The following PRDM16 variants were observed in gnomAD, a reference collection of about 807,000 sequenced individuals.
The protein encoded by PRDM16 is PR/SET domain 16, also known as histone-lysine N-methyltransferase PRDM16.
PRDM16 carries 23 observed loss-of-function variants against 110.6 expected under a neutral mutation model. The ratio of observed to expected loss-of-function variants is 0.21; its 90% CI spans 0.15 to 0.29. The LOEUF (loss-of-function observed/expected upper bound fraction) is 0.29, where lower values mean the gene tolerates loss of function less well. Ranked by LOEUF, PRDM16 falls within the 10% of genes least tolerant of loss-of-function variation. The pLI is 1.00. For missense variants in PRDM16, 1,615 were observed against 1,794.3 expected, an observed-to-expected ratio of 0.90 and a Z score of 1.81; for synonymous variants, 799 against 781.8, an observed-to-expected ratio of 1.02 and a Z score of -0.37.
chr1:3,128,352 C>T (rs1643254939), intron 1 of PRDM16, among the ~76,000 whole-genome samples: 1 of 152,196 alleles, frequency 6.6e-6, no homozygotes, highest in Non-Finnish European at 1.5e-5. Context: ...CCTATTTTAT[C>T]CCAGTTAAAG....
At chr1:3,247,039 C>G (rs1569919070) in intron 3 of PRDM16, among the ~76,000 whole-genome samples, 1 of 152,104 alleles carries the variant, frequency 6.6e-6, no homozygotes, top group Non-Finnish European at 1.5e-5. Context: ...AGGATGAATT[C>G]AGTACAGTCC....
chr1:3,201,911 G>A lies in PRDM16; in HGVS notation c.387+15437G>A, dbSNP rs1045955668. On this transcript the variant is annotated intron_variant, in intron 2 of 16. Coordinates refer to ENST00000270722, the MANE Select transcript of PRDM16 (RefSeq NM_022114.4). This position sits in a 1 kb window ranked among gnomAD's most constrained non-coding sequence, Gnocchi z 4.1. ...CTCCACCTCTCGGAGGGACCTCCAA[G>A]TGGAGCCTTCGAGCAAGGGGTCCAG... 3.9e-5 allele frequency among the ~76,000 whole-genome samples: 6 copies of A among 152,226 alleles called. No individual in the cohort carries two copies. The highest frequency in any genetic ancestry group is 1.4e-4 in the African/African-American group (6 of 41,468).
At chr1:3,138,053 G>A (rs1266631482) in intron 1 of PRDM16, among the ~76,000 whole-genome samples, 7 of 152,204 alleles carry the variant, frequency 4.6e-5, no homozygotes, top group South Asian at 4.1e-4. Context: ...TTGGAATCCC[G>A]TGTAAGTTCC....
At chr1:3,121,208 G>T (rs1020724750) in intron 1 of PRDM16, among the ~76,000 whole-genome samples, 1 of 152,172 alleles carries the variant, frequency 6.6e-6, no homozygotes, top group African/African-American at 2.4e-5. Context: ...AAGATCAGCT[G>T]GCCTGGTCAG....
At chr1:3,136,192 G>A (rs1011157098) in intron 1 of PRDM16, among the ~76,000 whole-genome samples, 6 of 151,874 alleles carry the variant, frequency 4.0e-5, no homozygotes, top group South Asian at 2.1e-4. Context: ...ATGCTGCCCC[G>A]CTGATAGGGT....
intron 3 of PRDM16, chr1:3,309,090 C>G (rs1489399694): frequency 3.3e-5 from 5 of 152,272 alleles, no homozygotes; most frequent in Admixed American, 6.5e-5. Flanking sequence ...GTGGACCCAG[C>G]TCCTCACTCA....
chr1:3,232,709 C>T (rs1190511911), intron 2 of PRDM16, among the ~76,000 whole-genome samples: 1 of 152,156 alleles, frequency 6.6e-6, no homozygotes, highest in African/African-American at 2.4e-5. Flanking sequence ...TGCTGCCTGC[C>T]ATTTTTAAGG....
chr1:3,304,147 G>A (rs1357304601), intron 3 of PRDM16, among the ~76,000 whole-genome samples: 1 of 149,514 alleles, frequency 6.7e-6, no homozygotes, highest in East Asian at 2.0e-4. Flanking sequence ...GATGTGCTGG[G>A]GAGCGCAGGA....
At chr1:3,297,066 T>C (rs1407388792) in intron 3 of PRDM16, among the ~76,000 whole-genome samples, 1 of 152,160 alleles carries the variant, frequency 6.6e-6, no homozygotes, top group Non-Finnish European at 1.5e-5. Context: ...GGGCCCTCAG[T>C]GTGCGGTTTC....
chr1:3,300,175 G>A (rs187467826), intron 3 of PRDM16, among the ~76,000 whole-genome samples: 112 of 83,118 alleles, frequency 1.3e-3, no homozygotes, highest in East Asian at 3.8e-3. Flanking sequence ...GATCCCAGTC[G>A]TGGTGACTCT....
In PRDM16 at chr1:3,335,602, AAC is replaced by A. The variant is rs3036535; in HGVS notation, c.439-49511_439-49510del. Among the ~76,000 whole-genome samples the A allele has an allele frequency of 4.7e-3, 676 of 144,284 alleles. 2 individuals are homozygous for A. The highest frequency in any genetic ancestry group is 0.017 in the East Asian group (80 of 4,686). The allele number at this position is 144,284 out of a possible 152,430, so 94.7% of individuals were successfully genotyped here. On this transcript the variant is annotated intron_variant, in intron 3 of 16. Transcript: ENST00000270722. ...AAATCTAACCTTTGGCTGAGGTTAA[AAC>A]ACACACACACACACACACACACACA...
intron 3 of PRDM16, among the ~76,000 whole-genome samples, chr1:3,279,845 G>A (rs1237347476): frequency 6.6e-6 from 1 of 151,302 alleles, no homozygotes; most frequent in Non-Finnish European, 1.5e-5. Flanking sequence ...CCCTGAGCCA[G>A]TGTGGAGTGG....
intron 1 of PRDM16, among the ~76,000 whole-genome samples, chr1:3,095,307 G>T (rs999151070): frequency 2.7e-5 from 4 of 147,722 alleles, no homozygotes; most frequent in Non-Finnish European, 4.4e-5. Flanking sequence ...GAAGAGGGCT[G>T]CGGAGAAAGT....
chr1:3,245,208 C>T lies in PRDM16; in HGVS notation c.438+1071C>T, dbSNP rs556250433. ...AGCATATGGGCTTGAGGGGTACTGG[C>T]AGCCTTGTGGTTAGGAAGCTGAGCT... On this transcript the variant is annotated intron_variant, in intron 3 of 16. Coordinates refer to ENST00000270722, the MANE Select transcript of PRDM16 (RefSeq NM_022114.4). This position sits in a 1 kb window ranked among gnomAD's most constrained non-coding sequence, Gnocchi z 4.7. 1.3e-5 allele frequency among the ~76,000 whole-genome samples: 2 copies of T among 152,236 alleles called. No homozygotes were observed. Among genetic ancestry groups the T allele is most frequent in the South Asian group, 4.1e-4 (2 of 4,820 alleles).
At position 3,433,820 on chromosome 1, in the gene PRDM16, G is replaced by A. The variant is rs758511851; in HGVS notation, c.*9G>A. The A allele has an allele frequency of 1.9e-6, 3 of 1,611,990 alleles. No homozygotes were observed. The highest frequency in any genetic ancestry group is 1.1e-5 in the South Asian group (1 of 91,052). ...CCATCAACCACCTCTGACGGGCTGG[G>A]CAGCCGGGGGCCGGTGGCCAGAGCG... On this transcript the variant is annotated 3_prime_UTR_variant, in exon 17 of 17. Transcript: ENST00000270722.
chr1:3,175,154 C>T lies in PRDM16; in HGVS notation c.38-10971C>T, dbSNP rs373082463. Among the ~76,000 whole-genome samples the T allele has an allele frequency of 5.3e-5, 8 of 152,258 alleles. No homozygotes were observed. In the East Asian group the frequency reaches 1.5e-3, roughly 29 times the overall value. ...CGAGGGGAGAAGCTATTGCCTTTAC[C>T]GCACAGTTTTAAAGACAGAAGAACA... On this transcript the variant is annotated intron_variant, in intron 1 of 16. Coordinates refer to ENST00000270722, the MANE Select transcript of PRDM16 (RefSeq NM_022114.4). This position sits in a 1 kb window ranked among gnomAD's most constrained non-coding sequence, Gnocchi z 4.8.
intron 3 of PRDM16, among the ~76,000 whole-genome samples, chr1:3,356,002 G>A (rs1267125780): frequency 6.6e-6 from 1 of 152,100 alleles, no homozygotes; most frequent in African/African-American, 2.4e-5. Flanking sequence ...TGGCCCGTTG[G>A]TGACAAGTTG....
intron 3 of PRDM16, among the ~76,000 whole-genome samples, chr1:3,362,918 A>G (rs1168573274): frequency 6.6e-6 from 1 of 152,184 alleles, no homozygotes; most frequent in Non-Finnish European, 1.5e-5. Context: ...GGGTTCACAC[A>G]GGAACGAGCC....
At chr1:3,138,087 C>G (rs965590665) in intron 1 of PRDM16, among the ~76,000 whole-genome samples, 10 of 152,222 alleles carry the variant, frequency 6.6e-5, no homozygotes, top group Non-Finnish European at 5.9e-5. Flanking sequence ...TCCAGCCTGG[C>G]AAGCCCAACT....
Sources: allele counts gnomAD v4.1 joint callset (sites outside exome capture counted in the v4.1 genomes callset), GRCh38; gene constraint gnomAD v4.1.1; non-coding constraint Gnocchi (gnomAD v3.1); transcripts MANE v1.5; gene names NCBI Gene and HGNC (gene_info 2026-07-23, HGNC 2026-07-21).